Variants in SAP130 observed in about 807,000 individuals in gnomAD.
The protein encoded by SAP130 is Sin3A associated protein 130.
SAP130 carries 16 observed loss-of-function variants against 103.2 expected under a neutral mutation model. The ratio of observed to expected loss-of-function variants is 0.16; its 90% confidence interval spans 0.10 to 0.24. SAP130 has a LOEUF of 0.24. Among genes scored for constraint, SAP130 ranks in the 10% least tolerant of loss-of-function variants. The pLI, the probability that SAP130 is intolerant of heterozygous loss-of-function variation, is 1.00. For missense variants in SAP130, 990 were observed against 1,359.7 expected (o/e 0.73, Z 4.28); for synonymous variants, 477 against 497.0 (o/e 0.96, Z 0.53).
At chr2:128,020,901 C>T (rs1685105786) in intron 2 of SAP130, among the ~76,000 whole-genome samples, 1 of 151,948 alleles carries the variant, frequency 6.6e-6, no homozygotes, top group South Asian at 2.1e-4. Context: ...GAGGCTGAGG[C>T]GGAAGAATCA....
chr2:127,992,594 G>A (rs1682888795), intron 12 of SAP130, among the ~76,000 whole-genome samples: 1 of 152,132 alleles, frequency 6.6e-6, no homozygotes, highest in Admixed American at 6.5e-5. Context: ...TGGAAATAAG[G>A]CTTTCTGATG....
chr2:127,970,981 T>C (rs1484088976), intron 15 of SAP130, among the ~76,000 whole-genome samples: 2 of 151,902 alleles, frequency 1.3e-5, no homozygotes, highest in African/African-American at 2.4e-5. Context: ...GACAGGTTCT[T>C]ATTCTGTCAC....
Position 128,000,418 on chromosome 2 carries a change from T to G in SAP130, c.906A>C (p.Ala302=), listed in dbSNP as rs568729170. ...PTLSIQHPPS[A]AISIQRPAQS... ...GGGCAGGACGCTGAATACTGATTGC[T>G]GCAGATGGAGGATGCTGGATAGACA... Residue 302 remains alanine (A), a synonymous_variant, in exon 8 of 21, where the codon GCA becomes GCC. Transcript: ENST00000643581. 3.1e-6 allele frequency: 5 copies of G among 1,614,184 alleles called. No individual in the cohort carries two copies. In the South Asian group the frequency reaches 4.4e-5, roughly 14 times the overall value.
chr2:127,979,687 T>C (rs1487834219), intron 14 of SAP130, among the ~76,000 whole-genome samples: 2 of 152,308 alleles, frequency 1.3e-5, no homozygotes, highest in South Asian at 2.1e-4. Context: ...GGTTTTTTAA[T>C]GTTATGTATC....
chr2:127,973,809 C>T (rs1268124517), intron 15 of SAP130, among the ~76,000 whole-genome samples: 1 of 152,098 alleles, frequency 6.6e-6, no homozygotes, highest in Non-Finnish European at 1.5e-5. Flanking sequence ...GTGCGGTGCT[C>T]ATGTCTGTAA....
chr2:127,975,427 G>A (rs1331985338), intron 15 of SAP130, among the ~76,000 whole-genome samples: 1 of 152,194 alleles, frequency 6.6e-6, no homozygotes, highest in Admixed American at 6.5e-5. Context: ...AAGCTGTATG[G>A]ACCATATTGA....
chr2:127,976,842 G>A (rs927185733), intron 15 of SAP130, among the ~76,000 whole-genome samples: 6 of 152,052 alleles, frequency 3.9e-5, no homozygotes, highest in African/African-American at 1.4e-4. Flanking sequence ...CCTGGGAGGC[G>A]GAGGTTGCAG....
At chr2:128,024,238 G>A (rs912612725) in intron 2 of SAP130, among the ~76,000 whole-genome samples, 3 of 152,120 alleles carry the variant, frequency 2.0e-5, no homozygotes, top group African/African-American at 7.2e-5. Context: ...CAGAATTTTG[G>A]GAGGCCTAGG....
At chr2:128,014,256 G>A (rs545740149) in intron 5 of SAP130, among the ~76,000 whole-genome samples, 2 of 151,378 alleles carry the variant, frequency 1.3e-5, no homozygotes, top group Admixed American at 6.6e-5. Context: ...ACAGGTTCTC[G>A]CTCTGTCACC....
intron 16 of SAP130, among the ~76,000 whole-genome samples, chr2:127,950,763 G>A (rs933731260): frequency 4.6e-5 from 7 of 152,254 alleles, no homozygotes; most frequent in African/African-American, 1.7e-4. Context: ...GAGAGCAGGT[G>A]TGATCTCCTT....
chr2:128,010,209 A>G, intron 7 of SAP130, 60 bp downstream of exon 7: 2 of 1,547,196 alleles, frequency 1.3e-6, no homozygotes, highest in South Asian at 1.2e-5. Flanking sequence ...GGAACGAAAG[A>G]AAAAAGAGTG....
intron 15 of SAP130, among the ~76,000 whole-genome samples, chr2:127,957,109 T>C (rs1169403833): frequency 6.6e-6 from 1 of 152,142 alleles, no homozygotes; most frequent in Non-Finnish European, 1.5e-5. Context: ...GAGACCAGCC[T>C]GGGCAAAATA....
Position 128,010,307 on chromosome 2 carries a change from G to C in SAP130, c.831C>G (p.Ile277Met), listed in dbSNP as rs1684297817. 6.2e-7 allele frequency: 1 copy of C among 1,614,132 alleles called. No individual in the cohort carries two copies. The highest frequency in any genetic ancestry group is 8.5e-7 in the Non-Finnish European group (1 of 1,179,988). Residue 277 changes from isoleucine (I) to methionine (M), a missense_variant, in exon 7 of 21, where the codon ATC becomes ATG. Transcript: ENST00000643581. ...CAGTAGCATGCGCCGCTGTCGTAGT[G>C]ATGACTGGAGACTGAGCTCTGGTGG... ...VSATRAQSPV[I>M]TTTAAHATDS... is the part of the protein sequence containing the mutation.
In SAP130 at chr2:127,964,954, G is replaced by A. The variant is rs186111182; in HGVS notation, c.2064-9610C>T. Among the ~76,000 whole-genome samples the A allele has an allele frequency of 5.3e-5, 8 of 150,170 alleles. No individual in the cohort carries two copies. In the East Asian group the frequency reaches 1.0e-3, roughly 19 times the overall value. On this transcript the variant is annotated intron_variant, in intron 15 of 20. Coordinates refer to ENST00000643581, the MANE Select transcript of SAP130 (RefSeq NM_001330301.2). ...GCGGAAGTTGCAGTGAGCCGAGAAC[G>A]CGCCACTGCGCTCCAGCCTGGGTGA...
chr2:127,998,006 C>T (rs958270464), intron 10 of SAP130, among the ~76,000 whole-genome samples: 2 of 151,460 alleles, frequency 1.3e-5, no homozygotes, highest in Non-Finnish European at 1.5e-5. Flanking sequence ...CCCAGCTACT[C>T]GGAAGGCTGA....
chr2:128,013,276 C>T lies in SAP130; in HGVS notation c.620-122G>A, dbSNP rs1419205784. 3 of 791,038 alleles carry T rather than the reference C, an allele frequency of 3.8e-6. No individual in the cohort carries two copies. In the African/African-American group the frequency reaches 5.4e-5, roughly 14 times the overall value. The allele number at this position is 791,038 out of a possible 1,614,324, so 49.0% of individuals were successfully genotyped here. On this transcript the variant is annotated intron_variant, in intron 5 of 20. Transcript: ENST00000643581. ...GAGCTGAAGTATGGTATGTATACTT[C>T]CCATTTCATCACAGAGAAAACAAAG...
At chr2:128,013,307 G>A (rs1466704081) in intron 5 of SAP130, among the ~76,000 whole-genome samples, 153 bp from the exon 6 acceptor site, 1 of 152,124 alleles carries the variant, frequency 6.6e-6, no homozygotes, top group Admixed American at 6.6e-5. Flanking sequence ...CAAAGAAAAT[G>A]TGTATTCAAG....
Position 128,017,902 on chromosome 2 carries a change from A to G in SAP130, c.126T>C (p.Ser42=). The change falls in exon 3 of 21, where the codon TCT becomes TCC. Residue 42 remains serine (S), a synonymous_variant. Transcript: ENST00000643581. ...INPAATVNDE[S]GRDSEVSARE... The stretch of plus-strand genomic sequence containing the variant: ...TGGCACTGACTTCAGAATCTCGACC[A>G]GATTCATCATTGACTAGTAAAGACA... 6.2e-7 allele frequency: 1 copy of G among 1,614,122 alleles called. No individual in the cohort carries two copies. Among genetic ancestry groups the G allele is most frequent in the Non-Finnish European group, 8.5e-7 (1 of 1,179,954 alleles).
chr2:128,000,975 G>GT (rs1335183059), intron 7 of SAP130, among the ~76,000 whole-genome samples: 1 of 152,174 alleles, frequency 6.6e-6, no homozygotes, highest in Non-Finnish European at 1.5e-5. Flanking sequence ...TTTACATGCT[G>GT]TAAGTTTTTG....
Sources: allele counts gnomAD v4.1 joint callset (sites outside exome capture counted in the v4.1 genomes callset), GRCh38; gene constraint gnomAD v4.1.1; transcripts MANE v1.5; gene names NCBI Gene and HGNC (gene_info 2026-07-23, HGNC 2026-07-21).